The following NDRG4 variants were observed in gnomAD, a reference collection of about 807,000 sequenced individuals.
NDRG4 encodes the protein protein NDRG4.
In NDRG4, 38 loss-of-function variants were observed where a neutral mutation model predicts 55.8. The observed-to-expected ratio is 0.68, with a 90% CI of 0.53 to 0.89. NDRG4 has a LOEUF of 0.89. Among genes scored for constraint, NDRG4 ranks in the 40% least tolerant of loss-of-function variants. The pLI, the probability that NDRG4 is intolerant of heterozygous loss-of-function variation, is 0.00. For missense variants in NDRG4, 455 were observed against 468.6 expected (o/e 0.97, Z 0.27); for synonymous variants, 190 against 182.7 (o/e 1.04, Z -0.32).
chr16:58,489,102 C>T (rs1044499143), intron 2 of NDRG4, among the ~76,000 whole-genome samples: 1 of 152,070 alleles, frequency 6.6e-6, no homozygotes, highest in African/African-American at 2.4e-5. Flanking sequence ...AGTTTGAGAC[C>T]AGCCTGGCCA....
upstream of NDRG4, among the ~76,000 whole-genome samples, chr16:58,496,362 G>A (rs1174265917): frequency 6.6e-6 from 1 of 152,076 alleles, no homozygotes; most frequent in Non-Finnish European, 1.5e-5. Context: ...AAGGCAGGTT[G>A]CATTAAAAGG....
chr16:58,479,641 TGTGTGAAGA>T (rs987249366), intron 1 of NDRG4, among the ~76,000 whole-genome samples: 2 of 152,230 alleles, frequency 1.3e-5, no homozygotes, highest in Non-Finnish European at 2.9e-5. Context: ...AGTTGTGGTC[TGTGTGAAGA>T]ATGATTCATT....
intron 1 of NDRG4, among the ~76,000 whole-genome samples, chr16:58,482,898 T>C (rs1251717309): frequency 1.3e-5 from 2 of 152,136 alleles, no homozygotes; most frequent in Admixed American, 1.3e-4. Flanking sequence ...TTCTCCTGCC[T>C]CAGCCTCCCA....
chr16:58,479,875 G>T (rs979971321), intron 1 of NDRG4, among the ~76,000 whole-genome samples: 1 of 152,180 alleles, frequency 6.6e-6, no homozygotes, highest in Non-Finnish European at 1.5e-5. Flanking sequence ...CTTTTCCTGT[G>T]TTGTTTCTTC....
chr16:58,509,298 C>T lies in NDRG4; in HGVS notation c.814-3C>T. On this transcript the variant is annotated splice_polypyrimidine_tract_variant and splice_region_variant and intron_variant, in intron 12 of 14. Transcript: ENST00000570248. ...AAGCATGTGCTTGTCCTGCCCTCCG[C>T]AGCCAGGGAAGCTGACTGAAGCCTT... 6.2e-7 allele frequency: 1 copy of T among 1,614,090 alleles called. No homozygotes were observed. The highest frequency in any genetic ancestry group is 8.5e-7 in the Non-Finnish European group (1 of 1,179,988).
intron 1 of NDRG4, among the ~76,000 whole-genome samples, chr16:58,485,085 G>A (rs1199406090): frequency 2.6e-5 from 4 of 151,900 alleles, no homozygotes; most frequent in Non-Finnish European, 5.9e-5. Context: ...GGTTTCACCA[G>A]GTTAGCCAGA....
intron 1 of NDRG4, among the ~76,000 whole-genome samples, chr16:58,483,816 G>A (rs886688290): frequency 1.3e-5 from 2 of 152,260 alleles, no homozygotes; most frequent in African/African-American, 4.8e-5. Flanking sequence ...AGTAATCCCA[G>A]TGCTTTGGGA....
chr16:58,499,786 G>C (rs143170119), upstream of NDRG4: 1 of 294,142 alleles, frequency 3.4e-6, no homozygotes, highest in East Asian at 1.1e-4. Context: ...AGCTGTGCAT[G>C]TCTGTGACGA....
At chr16:58,465,742 AT>A (rs1467374946) in intron 1 of NDRG4, among the ~76,000 whole-genome samples, 1 of 152,192 alleles carries the variant, frequency 6.6e-6, no homozygotes, top group African/African-American at 2.4e-5. Flanking sequence ...TTACAAAAAA[AT>A]AAATAAATAA....
intron 2 of NDRG4, among the ~76,000 whole-genome samples, chr16:58,489,969 C>G (rs751317186): frequency 3.9e-5 from 6 of 152,158 alleles, no homozygotes; most frequent in African/African-American, 1.4e-4. Flanking sequence ...CTCAGCCTCC[C>G]GAGTAGCGAG....
In NDRG4 at chr16:58,509,337, C is replaced by T; in HGVS notation, c.850C>T (p.Gln284Ter). The change falls in exon 13 of 15, where the codon CAA becomes TAA. Residue 284 changes from glutamine (Q) to a stop codon, truncating the protein, a stop_gained. Transcript: ENST00000570248. LOFTEE classifies it high-confidence loss of function. ...GACTGAAGCCTTCAAATACTTCCTG[C>T]AAGGCATGGGCTACAGTGAGTACAT... ...KLTEAFKYFLQGMGYIAYLKD... is the reference protein window; with the variant it reads ...KLTEAFKYFL The T allele has an allele frequency of 6.2e-7, 1 of 1,613,934 alleles. No homozygotes were observed. Among genetic ancestry groups the T allele is most frequent in the East Asian group, 2.2e-5 (1 of 44,878 alleles).
chr16:58,491,455 C>CT (rs111544881), intron 2 of NDRG4, among the ~76,000 whole-genome samples: 110,482 of 146,772 alleles, frequency 0.75, 41,717 homozygotes, highest in Admixed American at 0.86. Context: ...ATCCTTTTCA[C>CT]TTTTTTTTTT....
chr16:58,464,783 C>T lies in NDRG4; in HGVS notation c.-24+986C>T, dbSNP rs532166692. The T allele has an allele frequency of 1.2e-5, 16 of 1,283,758 alleles. No homozygotes were observed. In the Admixed American group the frequency reaches 6.0e-4, roughly 48 times the overall value. 79.5% of individuals were successfully genotyped at this position (1,283,758 alleles called of 1,614,324 possible). On this transcript the variant is annotated intron_variant, in intron 1 of 15. Transcript: ENST00000258187. The surrounding 1 kb of genome is among the most constrained non-coding windows in gnomAD (Gnocchi z 4.8). ...AGGGCTCCTGCCCTCCAATCAGTGT[C>T]GCTTGTCCCCTAAGAAAGGACCCGT... is the stretch of plus-strand genomic sequence containing the variant.
intron 1 of NDRG4, chr16:58,475,523 C>G (rs1474589742): frequency 2.3e-6 from 1 of 428,698 alleles, no homozygotes; most frequent in African/African-American, 2.1e-5. Context: ...AAAAATATCC[C>G]AAGTTTAGAT....
At chr16:58,507,768 G>A in intron 8 of NDRG4, 40 bp from the exon 9 acceptor site, 2 of 1,602,718 alleles carry the variant, frequency 1.2e-6, no homozygotes, top group Non-Finnish European at 1.7e-6. Flanking sequence ...CCTGTCCTGG[G>A]GTGCCCACCT....
rs915563871 is a variant in NDRG4, at chr16:58,512,768, C to T, written c.*1192C>T. ...AGGACTGCGTTGTATGCTTTCCATC[C>T]ACTCACCTTACCCCATAGCATCTTG... is the stretch of plus-strand genomic sequence containing the variant. On this transcript the variant is annotated 3_prime_UTR_variant, in exon 15 of 15. Coordinates refer to ENST00000570248, the MANE Select transcript of NDRG4 (RefSeq NM_001242835.2). The T allele has an allele frequency of 2.6e-5, 4 of 152,732 alleles. No individual in the cohort carries two copies. The highest frequency in any genetic ancestry group is 5.9e-5 in the Non-Finnish European group (4 of 68,238). 9.5% of individuals were successfully genotyped at this position (152,732 alleles called of 1,614,324 possible).
chr16:58,484,676 C>T (rs968647686), intron 1 of NDRG4, among the ~76,000 whole-genome samples: 3 of 152,114 alleles, frequency 2.0e-5, no homozygotes, highest in East Asian at 1.9e-4. Flanking sequence ...CTGGGCAGGG[C>T]GGCTCCTGTC....
In NDRG4 at chr16:58,506,968, C is replaced by T. The variant is rs142958971; in HGVS notation, c.573C>T (p.Asn191=). 7.7e-5 allele frequency: 124 copies of T among 1,614,116 alleles called. No homozygotes were observed. The South Asian group carries it at 9.3e-4, about 12-fold the overall frequency. The part of the protein sequence containing the change: ...LVQSYRQQIG[N]VVNQANLQLF... ...AGAGCTACCGGCAGCAGATTGGGAA[C>T]GTGGTGAACCAGGCCAACCTGCAGC... Residue 191 remains asparagine (N), a synonymous_variant, in exon 8 of 15, where the codon AAC becomes AAT. Coordinates refer to ENST00000570248, the MANE Select transcript of NDRG4 (RefSeq NM_001242835.2).
chr16:58,493,310 G>A (rs1018370374), intron 2 of NDRG4, among the ~76,000 whole-genome samples: 3 of 152,108 alleles, frequency 2.0e-5, no homozygotes, highest in East Asian at 1.9e-4. Flanking sequence ...ACTCTATCAC[G>A]CAAGCTGGAG....
Sources: allele counts gnomAD v4.1 joint callset (sites outside exome capture counted in the v4.1 genomes callset), GRCh38; gene constraint gnomAD v4.1.1; non-coding constraint Gnocchi (gnomAD v3.1); transcripts MANE v1.5; gene names NCBI Gene and HGNC (gene_info 2026-07-23, HGNC 2026-07-21).